Variants in ZFPM2 observed in about 807,000 individuals in gnomAD.
ZFPM2 encodes zinc finger protein, FOG family member 2, also known as zinc finger protein ZFPM2.
In ZFPM2, 20 loss-of-function variants were observed where a neutral mutation model predicts 98.6. The ratio of observed to expected loss-of-function variants is 0.20; its 90% CI spans 0.14 to 0.29. The LOEUF (loss-of-function observed/expected upper bound fraction) is 0.29, where lower values mean the gene tolerates loss of function less well. Among genes scored for constraint, ZFPM2 ranks in the 10% least tolerant of loss-of-function variants. ZFPM2 has a pLI of 1.00. For synonymous variants in ZFPM2, 518 were observed against 502.7 expected, an observed-to-expected ratio of 1.03 and a Z score of -0.41; for missense variants, 1,310 against 1,388.6, an observed-to-expected ratio of 0.94 and a Z score of 0.90.
chr8:105,505,500 A>G (rs549488986), intron 3 of ZFPM2, among the ~76,000 whole-genome samples: 13 of 152,240 alleles, frequency 8.5e-5, no homozygotes, highest in African/African-American at 3.1e-4. Context: ...TTTAACTTAC[A>G]TGGGAAAATA....
chr8:105,748,344 G>C (rs1563547563), intron 5 of ZFPM2, among the ~76,000 whole-genome samples: 1 of 152,028 alleles, frequency 6.6e-6, no homozygotes, highest in Non-Finnish European at 1.5e-5. Context: ...TTTTAAATCT[G>C]AAAGAGAATA....
At chr8:105,553,122 T>C (rs1449877286) in intron 3 of ZFPM2, among the ~76,000 whole-genome samples, 1 of 152,108 alleles carries the variant, frequency 6.6e-6, no homozygotes. Flanking sequence ...ATGGTGTTGT[T>C]TTTAAAAACA....
At chr8:105,723,461 T>A (rs1811719899) in intron 5 of ZFPM2, among the ~76,000 whole-genome samples, 1 of 151,876 alleles carries the variant, frequency 6.6e-6, no homozygotes. Flanking sequence ...CCACATAGAC[T>A]ATTTCAACAA....
chr8:105,434,825 C>T (rs1432623914), intron 2 of ZFPM2, among the ~76,000 whole-genome samples: 3 of 152,110 alleles, frequency 2.0e-5, no homozygotes, highest in Admixed American at 1.3e-4. Context: ...ATTAAAAGAG[C>T]AAGGTTGAGA....
intron 5 of ZFPM2, among the ~76,000 whole-genome samples, chr8:105,663,478 G>T (rs530484422): frequency 6.6e-6 from 1 of 152,284 alleles, no homozygotes; most frequent in African/African-American, 2.4e-5. Flanking sequence ...CATCCTGCAT[G>T]TAAAGTAGTG....
chr8:105,488,927 A>G (rs1813292939), intron 3 of ZFPM2, among the ~76,000 whole-genome samples: 2 of 152,046 alleles, frequency 1.3e-5, no homozygotes, highest in African/African-American at 4.8e-5. Flanking sequence ...TCCATTATGT[A>G]ATTTAGTTTG....
intron 5 of ZFPM2, among the ~76,000 whole-genome samples, chr8:105,776,072 A>C (rs1051344794): frequency 4.6e-5 from 7 of 151,742 alleles, no homozygotes; most frequent in Non-Finnish European, 1.0e-4. Context: ...TCTTAATAGG[A>C]GACATTTTCT....
rs369211429 is a variant in ZFPM2, at chr8:105,650,342, G to A, written c.532+15985G>A. Among the ~76,000 whole-genome samples, 29 of 152,112 alleles carry A rather than the reference G, an allele frequency of 1.9e-4. 1 individual carries two copies. The South Asian group carries it at 6.0e-3, about 32-fold the overall frequency. On this transcript the variant is annotated intron_variant, in intron 5 of 7. Transcript: ENST00000407775. ...CAAAAAACCAGCTCCTGGATTCATT[G>A]ATTTTTTGAAGGGTTTTTCGTGTCT...
intron 2 of ZFPM2, among the ~76,000 whole-genome samples, chr8:105,425,960 TTTA>T (rs1487720765): frequency 6.6e-6 from 1 of 152,168 alleles, no homozygotes; most frequent in Non-Finnish European, 1.5e-5. Context: ...TTATGTTCAG[TTTA>T]TTATTACTTT....
intron 2 of ZFPM2, among the ~76,000 whole-genome samples, chr8:105,441,452 G>GAGAGAAAGAAAGAAAGAAAGAAAGAA (rs758403420): frequency 2.6e-5 from 1 of 38,934 alleles, no homozygotes; most frequent in Non-Finnish European, 4.3e-5. Flanking sequence ...GAGAGAGAGA[G>GAGAGAAAGAAAGAAAGAAAGAAAGAA]AGAAAGAAAG....
intron 1 of ZFPM2, among the ~76,000 whole-genome samples, chr8:105,393,326 C>CTGTCTGTCTG (rs1563637738): frequency 9.4e-6 from 1 of 106,088 alleles, no homozygotes; most frequent in African/African-American, 3.9e-5. Context: ...CCTTCCCTCT[C>CTGTCTGTCTG]TCTCTCTTTG....
chr8:105,524,827 C>G (rs1475281721), intron 3 of ZFPM2, among the ~76,000 whole-genome samples: 2 of 152,028 alleles, frequency 1.3e-5, no homozygotes, highest in African/African-American at 4.8e-5. Flanking sequence ...GAAGGAGCCT[C>G]ACAGAGAGCT....
intron 4 of ZFPM2, among the ~76,000 whole-genome samples, chr8:105,601,734 T>C (rs923855428): frequency 1.3e-5 from 2 of 152,082 alleles, no homozygotes; most frequent in Admixed American, 6.6e-5. Context: ...TTGATGATGG[T>C]GCCTGCATTA....
chr8:105,796,862 G>GTGAC (rs909396197), intron 6 of ZFPM2: 1 of 152,154 alleles, frequency 6.6e-6, no homozygotes, highest in African/African-American at 2.4e-5. Context: ...CCTCTGGATG[G>GTGAC]TGACTCCTTT....
intron 4 of ZFPM2, among the ~76,000 whole-genome samples, chr8:105,615,458 G>A (rs1466381013): frequency 6.6e-6 from 1 of 152,156 alleles, no homozygotes; most frequent in African/African-American, 2.4e-5. Flanking sequence ...AATATAATGA[G>A]GGAGAATCCC....
At chr8:105,515,361 G>A (rs1813897299) in intron 3 of ZFPM2, among the ~76,000 whole-genome samples, 1 of 152,238 alleles carries the variant, frequency 6.6e-6, no homozygotes, top group African/African-American at 2.4e-5. Flanking sequence ...AGTGTTTATT[G>A]TGTGCTATGT....
chr8:105,496,010 A>G (rs1359062274), intron 3 of ZFPM2, among the ~76,000 whole-genome samples: 1 of 152,164 alleles, frequency 6.6e-6, no homozygotes, highest in Non-Finnish European at 1.5e-5. Context: ...TAGGATTACA[A>G]AAAAGCCGGG....
At chr8:105,330,631 T>TATATATAC (rs1812214214) in intron 1 of ZFPM2, among the ~76,000 whole-genome samples, 2 of 62,064 alleles carry the variant, frequency 3.2e-5, no homozygotes, top group Admixed American at 1.6e-4. Flanking sequence ...TATATATATA[T>TATATATAC]ACATATATAT....
At chr8:105,796,599 A>AGTT (rs932528354) in intron 6 of ZFPM2, among the ~76,000 whole-genome samples, 3 of 152,136 alleles carry the variant, frequency 2.0e-5, no homozygotes, top group Non-Finnish European at 4.4e-5. Flanking sequence ...TTTGATCATT[A>AGTT]GTTTTTCTCC....
Sources: gnomAD v4.1 joint callset for allele counts (sites outside exome capture counted in the v4.1 genomes callset) on GRCh38, gnomAD v4.1.1 for gene constraint, MANE v1.5 for transcripts, NCBI Gene and HGNC (gene_info 2026-07-23, HGNC 2026-07-21) for gene names.